Variants in WWOX observed in about 807,000 individuals in gnomAD.
The protein encoded by WWOX is WW domain containing oxidoreductase, also known as WW domain-containing oxidoreductase.
In WWOX, 69 loss-of-function variants were observed where a neutral mutation model predicts 46.2. The observed-to-expected ratio is 1.49, with a 90% CI of 1.23 to 1.82. WWOX has a LOEUF of 1.82. Ranked by LOEUF, WWOX falls within the 40% of genes most tolerant of loss-of-function variation. The pLI is 0.00. For synonymous variants in WWOX, 359 were observed against 202.6 expected (o/e 1.77, Z -6.56); for missense variants, 919 against 542.6 (o/e 1.69, Z -6.89).
At chr16:78,543,473 G>C (rs536166037) in intron 8 of WWOX, among the ~76,000 whole-genome samples, 8 of 152,302 alleles carry the variant, frequency 5.3e-5, no homozygotes, top group South Asian at 2.1e-4. Context: ...CAGAGCAAAA[G>C]GGCATTGCTT....
chr16:79,166,680 C>T (rs190642053), intron 8 of WWOX, among the ~76,000 whole-genome samples: 1 of 152,186 alleles, frequency 6.6e-6, no homozygotes, highest in East Asian at 1.9e-4. Flanking sequence ...CTAACCAAGG[C>T]ACATGGTGAC....
At chr16:78,761,474 T>G (rs919561893) in intron 8 of WWOX, among the ~76,000 whole-genome samples, 1 of 152,172 alleles carries the variant, frequency 6.6e-6, no homozygotes, top group Non-Finnish European at 1.5e-5. Context: ...GAGAAATTTG[T>G]GTTGGCTGAA....
At chr16:79,033,421 C>T (rs372725352) in intron 8 of WWOX, among the ~76,000 whole-genome samples, 34 of 151,424 alleles carry the variant, frequency 2.2e-4, no homozygotes, top group African/African-American at 8.0e-4. Context: ...GCATAGTATT[C>T]CATGGTGTAG....
chr16:79,024,975 G>T (rs2047608370), intron 8 of WWOX, among the ~76,000 whole-genome samples: 1 of 152,174 alleles, frequency 6.6e-6, no homozygotes, highest in Non-Finnish European at 1.5e-5. Context: ...TACACAACAG[G>T]AGTTCAATCC....
chr16:79,025,821 G>A (rs185823073), intron 8 of WWOX, among the ~76,000 whole-genome samples: 7 of 16,134 alleles, frequency 4.3e-4, no homozygotes, highest in African/African-American at 1.6e-3. Flanking sequence ...TTTTTGAGAC[G>A]GAGTTTTGCT....
chr16:78,974,245 G>GA (rs2046528258), intron 8 of WWOX, among the ~76,000 whole-genome samples: 1 of 152,232 alleles, frequency 6.6e-6, no homozygotes, highest in Non-Finnish European at 1.5e-5. Flanking sequence ...TTGTGTTAGA[G>GA]AAAAACTGTC....
chr16:78,586,270 C>T (rs1447907907), intron 8 of WWOX, among the ~76,000 whole-genome samples: 1 of 152,102 alleles, frequency 6.6e-6, no homozygotes, highest in Admixed American at 6.5e-5. Flanking sequence ...GCATTTCAGC[C>T]TGGGTGACAG....
chr16:78,815,054 G>C (rs914714797), intron 8 of WWOX, among the ~76,000 whole-genome samples: 1 of 152,236 alleles, frequency 6.6e-6, no homozygotes, highest in African/African-American at 2.4e-5. Context: ...GCCGGGCACA[G>C]TGGCTCACGC....
chr16:78,664,675 T>A (rs952038943), intron 8 of WWOX, among the ~76,000 whole-genome samples: 6 of 152,228 alleles, frequency 3.9e-5, no homozygotes, highest in Non-Finnish European at 5.9e-5. Flanking sequence ...AGACCAAGCA[T>A]GCCGAACGGC....
At chr16:78,877,990 T>G (rs1597096084) in intron 8 of WWOX, among the ~76,000 whole-genome samples, 1 of 152,176 alleles carries the variant, frequency 6.6e-6, no homozygotes, top group African/African-American at 2.4e-5. Flanking sequence ...GTCAGATGAT[T>G]TTGTTTTTAT....
chr16:78,875,945 C>A (rs542638697), intron 8 of WWOX, among the ~76,000 whole-genome samples: 1 of 152,112 alleles, frequency 6.6e-6, no homozygotes, highest in Non-Finnish European at 1.5e-5. Context: ...GGAATAATCA[C>A]CCTCCCTTAT....
intron 8 of WWOX, among the ~76,000 whole-genome samples, chr16:78,938,897 G>A (rs1197581620): frequency 6.6e-6 from 1 of 152,194 alleles, no homozygotes; most frequent in African/African-American, 2.4e-5. Context: ...CGTGGGTACT[G>A]GAGAGTGGGA....
intron 5 of WWOX, among the ~76,000 whole-genome samples, chr16:78,344,586 G>A (rs1378146280): frequency 8.2e-6 from 1 of 121,296 alleles, no homozygotes; most frequent in East Asian, 1.9e-4. Flanking sequence ...AGCAGAGCTT[G>A]GCTATTATTC....
At chr16:79,072,246 A>G (rs2048565131) in intron 8 of WWOX, among the ~76,000 whole-genome samples, 1 of 152,196 alleles carries the variant, frequency 6.6e-6, no homozygotes, top group African/African-American at 2.4e-5. Context: ...TGATCATACC[A>G]CTGCAATCTA....
intron 8 of WWOX, among the ~76,000 whole-genome samples, chr16:78,539,687 C>G (rs2043841067): frequency 6.6e-6 from 1 of 152,190 alleles, no homozygotes; most frequent in Non-Finnish European, 1.5e-5. Flanking sequence ...AATGAAATTT[C>G]TGCACCTTGC....
chr16:78,881,820 C>T (rs2044348739), intron 8 of WWOX, among the ~76,000 whole-genome samples: 1 of 152,130 alleles, frequency 6.6e-6, no homozygotes, highest in Non-Finnish European at 1.5e-5. Flanking sequence ...GCATTTTCTT[C>T]TCGAATTAGA....
intron 8 of WWOX, among the ~76,000 whole-genome samples, chr16:78,775,814 A>C (rs2050176245): frequency 6.6e-6 from 1 of 152,098 alleles, no homozygotes; most frequent in African/African-American, 2.4e-5. Flanking sequence ...ACTACTTTCG[A>C]CTGAATCTAT....
At chr16:78,868,908 C>A (rs535666052) in intron 8 of WWOX, among the ~76,000 whole-genome samples, 3 of 152,042 alleles carry the variant, frequency 2.0e-5, no homozygotes, top group Non-Finnish European at 4.4e-5. Flanking sequence ...GCACTTTTCC[C>A]CCCTTTTTCC....
chr16:79,078,397 C>T (rs1437250405), intron 8 of WWOX, among the ~76,000 whole-genome samples: 11 of 152,160 alleles, frequency 7.2e-5, no homozygotes, highest in African/African-American at 1.9e-4. Flanking sequence ...TTCTCTGATT[C>T]TCATGGCTCG....
Sources: gnomAD v4.1 joint callset for allele counts (sites outside exome capture counted in the v4.1 genomes callset) on GRCh38, gnomAD v4.1.1 for gene constraint, MANE v1.5 for transcripts, NCBI Gene and HGNC (gene_info 2026-07-23, HGNC 2026-07-21) for gene names.